The following RAB3IL1 variants were observed in gnomAD, a reference collection of about 807,000 sequenced individuals.
The protein encoded by RAB3IL1 is RAB3A interacting protein like 1, also known as guanine nucleotide exchange factor for Rab-3A.
In RAB3IL1, 37 loss-of-function variants were observed where a neutral mutation model predicts 49.2. That is an observed-to-expected ratio of 0.75 (90% CI 0.58 to 0.99). The LOEUF is 0.99. RAB3IL1 is among the 50% of genes least tolerant of loss of function. The pLI is 0.00. For missense variants in RAB3IL1, 484 were observed against 513.0 expected, an observed-to-expected ratio of 0.94 and a Z score of 0.55; for synonymous variants, 193 against 213.9, an observed-to-expected ratio of 0.90 and a Z score of 0.85.
At chr11:61,917,672 C>G (rs766776445), upstream of RAB3IL1, 1,566 of 685,160 alleles carry the variant, frequency 2.3e-3, 5 homozygotes, top group Admixed American at 3.2e-3. Context: ...CCACCCGGCC[C>G]GCCGCGCCGG....
intron 1 of RAB3IL1, among the ~76,000 whole-genome samples, chr11:61,912,273 C>T (rs1939486376): frequency 1.3e-5 from 2 of 152,202 alleles, no homozygotes; most frequent in South Asian, 2.1e-4. Flanking sequence ...GGTGCCTTGG[C>T]ACAGGGGCCT....
At chr11:61,901,049 A>C (rs1000893539) in intron 8 of RAB3IL1, among the ~76,000 whole-genome samples, 2 of 152,032 alleles carry the variant, frequency 1.3e-5, no homozygotes, top group African/African-American at 4.8e-5. Flanking sequence ...CCCTTTTGGT[A>C]AATGGGTGCT....
chr11:61,923,482 A>G (rs1414217162), upstream of RAB3IL1, among the ~76,000 whole-genome samples: 4 of 152,194 alleles, frequency 2.6e-5, no homozygotes, highest in African/African-American at 9.7e-5. Context: ...GACACCTCCC[A>G]GCTGGCAGGC....
At chr11:61,939,994 A>G in the RAB3IL1 span, among the ~76,000 whole-genome samples, 1 of 151,150 alleles carries the variant, frequency 6.6e-6, no homozygotes, top group African/African-American at 2.4e-5. Context: ...AAAAATTACT[A>G]CTAGCTGGAC....
rs1939201991 is a variant in RAB3IL1, at chr11:61,906,601, G to A, written c.522C>T (p.His174=). ...CCTTGGTGGGGCTCAGCAGCTGGGG[G>A]TGAAGCTCGCGGTTGGGAGAGGCTG... ...STPASPNREL[H]PQLLSPTKAG... The change falls in exon 5 of 10, where the codon CAC becomes CAT. Residue 174 remains histidine (H), a synonymous_variant. Transcript: ENST00000394836. This position sits in a 1 kb window ranked among gnomAD's most constrained non-coding sequence, Gnocchi z 4.6. The A allele has an allele frequency of 6.2e-7, 1 of 1,611,086 alleles. No homozygotes were observed. The highest frequency in any genetic ancestry group is 1.3e-5 in the African/African-American group (1 of 74,878).
Position 61,899,307 on chromosome 11 carries a change from C to T in RAB3IL1, c.1066+7G>A, listed in dbSNP as rs1203914673. ...GATCCCTGCACCGGCCACCAGGGGG[C>T]GCTCACCGTCCTGCCGCACCAGGCC... On this transcript the variant is annotated splice_region_variant and intron_variant, in intron 9 of 9. Transcript: ENST00000394836. 1.9e-6 allele frequency: 3 copies of T among 1,603,648 alleles called. No individual in the cohort carries two copies. The highest frequency in any genetic ancestry group is 2.5e-6 in the Non-Finnish European group (3 of 1,179,144).
At chr11:61,932,983 C>T in the RAB3IL1 span, among the ~76,000 whole-genome samples, 30,953 of 151,978 alleles carry the variant, frequency 0.2, 3,470 homozygotes, top group Non-Finnish European at 0.25. Context: ...GTTGGCCAGG[C>T]TGGTCTCAAA....
the RAB3IL1 span, among the ~76,000 whole-genome samples, chr11:61,929,644 G>A: frequency 6.6e-6 from 1 of 150,542 alleles, no homozygotes; most frequent in African/African-American, 2.4e-5. Flanking sequence ...GGAGTGCAGT[G>A]GTGTGATCTT....
the RAB3IL1 span, among the ~76,000 whole-genome samples, chr11:61,943,093 G>A: frequency 6.6e-6 from 1 of 152,122 alleles, no homozygotes; most frequent in Non-Finnish European, 1.5e-5. Flanking sequence ...TACACTCCTG[G>A]TTTCGAAATT....
chr11:61,938,565 G>T, the RAB3IL1 span, among the ~76,000 whole-genome samples: 2 of 152,130 alleles, frequency 1.3e-5, no homozygotes, highest in Non-Finnish European at 2.9e-5. Context: ...CACCTAACAG[G>T]AGAGTCCTCA....
the RAB3IL1 span, among the ~76,000 whole-genome samples, chr11:61,933,766 G>A: frequency 6.6e-6 from 1 of 152,010 alleles, no homozygotes; most frequent in African/African-American, 2.4e-5. Context: ...GCAACATGGC[G>A]AAACCCTGTC....
chr11:61,938,381 T>C, the RAB3IL1 span, among the ~76,000 whole-genome samples: 1 of 152,324 alleles, frequency 6.6e-6, no homozygotes, highest in Non-Finnish European at 1.5e-5. Flanking sequence ...CAAGGGACTC[T>C]GTATTTAAAT....
chr11:61,918,650 A>G (rs1805849185), upstream of RAB3IL1, among the ~76,000 whole-genome samples: 1 of 152,102 alleles, frequency 6.6e-6, no homozygotes, highest in Non-Finnish European at 1.5e-5. Flanking sequence ...AGGATGGGGG[A>G]CGTATTCTCT....
At chr11:61,936,708 A>T in the RAB3IL1 span, among the ~76,000 whole-genome samples, 5 of 152,238 alleles carry the variant, frequency 3.3e-5, no homozygotes, top group African/African-American at 1.2e-4. Flanking sequence ...TCTCAATAAG[A>T]TTAACAGTTT....
At chr11:61,918,478 C>T (rs78156005), upstream of RAB3IL1, among the ~76,000 whole-genome samples, 11,858 of 152,310 alleles carry the variant, frequency 0.078, 527 homozygotes, top group African/African-American at 0.093. Context: ...TTAGTCAGAT[C>T]TTCGTTTGAG....
upstream of RAB3IL1, among the ~76,000 whole-genome samples, chr11:61,923,314 C>T (rs1939945296): frequency 6.6e-6 from 1 of 152,218 alleles, no homozygotes; most frequent in African/African-American, 2.4e-5. Flanking sequence ...CAAGAAGCAG[C>T]CAGGTCTGGG....
the RAB3IL1 span, among the ~76,000 whole-genome samples, chr11:61,926,588 C>T: frequency 6.6e-6 from 1 of 152,120 alleles, no homozygotes; most frequent in African/African-American, 2.4e-5. Flanking sequence ...GAGTCTCACT[C>T]TGTCGCCCAG....
the RAB3IL1 span, among the ~76,000 whole-genome samples, chr11:61,942,486 C>CAAAA: frequency 6.6e-6 from 1 of 151,884 alleles, no homozygotes; most frequent in Non-Finnish European, 1.5e-5. Context: ...AACAAACAAA[C>CAAAA]AAACAAAAAA....
intron 1 of RAB3IL1, among the ~76,000 whole-genome samples, chr11:61,912,067 T>C (rs1487153272): frequency 2.6e-5 from 4 of 152,196 alleles, no homozygotes; most frequent in Non-Finnish European, 4.4e-5. Context: ...AGTTACCTCC[T>C]GGAACTAAAG....
Sources: gnomAD v4.1 joint callset for allele counts (sites outside exome capture counted in the v4.1 genomes callset) on GRCh38, gnomAD v4.1.1 for gene constraint, Gnocchi (gnomAD v3.1) non-coding constraint, MANE v1.5 for transcripts, NCBI Gene and HGNC (gene_info 2026-07-23, HGNC 2026-07-21) for gene names.